SGCZ: variants seen among roughly 807,000 people sequenced by gnomAD.
SGCZ encodes the protein sarcoglycan zeta, also known as zeta-sarcoglycan.
Under a neutral mutation model 41.3 loss-of-function variants are expected in SGCZ, and 40 were observed. That is an observed-to-expected ratio of 0.97 (90% CI 0.75 to 1.26). The LOEUF (loss-of-function observed/expected upper bound fraction) is 1.26, where lower values mean the gene tolerates loss of function less well. SGCZ is among the 50% of genes most tolerant of loss of function. The probability of loss-of-function intolerance (pLI) is 0.00; values close to 1 mark genes in which losing one functional copy is unlikely to be tolerated. For synonymous variants in SGCZ, 206 were observed against 137.5 expected, an observed-to-expected ratio of 1.50 and a Z score of -3.49; for missense variants, 552 against 369.8, an observed-to-expected ratio of 1.49 and a Z score of -4.04.
At chr8:14,727,009 G>A (rs1810077200) in intron 1 of SGCZ, among the ~76,000 whole-genome samples, 1 of 152,014 alleles carries the variant, frequency 6.6e-6, no homozygotes, top group African/African-American at 2.4e-5. Context: ...ACACCACTGA[G>A]ATGTTAAATA....
chr8:14,551,571 T>TATA (rs1563404831), intron 2 of SGCZ, among the ~76,000 whole-genome samples: 205 of 15,956 alleles, frequency 0.013, 5 homozygotes, highest in South Asian at 0.032. Flanking sequence ...ATATATATAA[T>TATA]ATATATATAA....
chr8:14,517,072 G>A (rs1412729123), intron 2 of SGCZ, among the ~76,000 whole-genome samples: 1 of 151,996 alleles, frequency 6.6e-6, no homozygotes, highest in Non-Finnish European at 1.5e-5. Flanking sequence ...ATAAGTCTTC[G>A]TAATGCGTGA....
At chr8:15,232,542 A>T (rs528946825) in intron 1 of SGCZ, among the ~76,000 whole-genome samples, 5 of 151,772 alleles carry the variant, frequency 3.3e-5, no homozygotes, top group African/African-American at 4.8e-5. Context: ...TCTTAATGGC[A>T]TAAGTGATGT....
At chr8:14,351,389 C>T (rs1803086484) in intron 2 of SGCZ, among the ~76,000 whole-genome samples, 1 of 152,028 alleles carries the variant, frequency 6.6e-6, no homozygotes, top group African/African-American at 2.4e-5. Context: ...GTTTGGCTAT[C>T]AACTTCAGCC....
chr8:14,129,801 A>G (rs144639766), intron 5 of SGCZ, among the ~76,000 whole-genome samples: 135 of 152,318 alleles, frequency 8.9e-4, no homozygotes, highest in Non-Finnish European at 1.6e-3. Flanking sequence ...CAGCCAAACC[A>G]CTGAAAATGA....
At chr8:14,387,475 A>G (rs917449913) in intron 2 of SGCZ, among the ~76,000 whole-genome samples, 4 of 152,346 alleles carry the variant, frequency 2.6e-5, no homozygotes, top group Non-Finnish European at 4.4e-5. Context: ...ATCAGTTTAA[A>G]GTGTTCACAT....
intron 1 of SGCZ, among the ~76,000 whole-genome samples, chr8:14,938,085 T>TA (rs1331164878): frequency 2.0e-5 from 3 of 152,162 alleles, no homozygotes; most frequent in Non-Finnish European, 4.4e-5. Context: ...CATATATACA[T>TA]AATGATGCAT....
At chr8:14,211,786 C>A (rs187549040) in intron 4 of SGCZ, among the ~76,000 whole-genome samples, 324 of 152,186 alleles carry the variant, frequency 2.1e-3, no homozygotes, top group African/African-American at 7.7e-3. Flanking sequence ...CCCACCAGGC[C>A]CCTTCTCCAA....
chr8:14,892,536 T>C (rs1333997855), intron 1 of SGCZ, among the ~76,000 whole-genome samples: 1 of 152,130 alleles, frequency 6.6e-6, no homozygotes, highest in Non-Finnish European at 1.5e-5. Flanking sequence ...AACTGTTCCT[T>C]TTTTTGGGTA....
chr8:14,989,993 A>G (rs895288085), intron 1 of SGCZ, among the ~76,000 whole-genome samples: 1 of 152,080 alleles, frequency 6.6e-6, no homozygotes, highest in African/African-American at 2.4e-5. Context: ...CTGAGGCACT[A>G]TTAATAAAAT....
intron 1 of SGCZ, among the ~76,000 whole-genome samples, chr8:14,839,042 T>C (rs901242117): frequency 6.6e-6 from 1 of 152,090 alleles, no homozygotes; most frequent in Non-Finnish European, 1.5e-5. Context: ...GACTTAGTTT[T>C]AAAAGAATAA....
At chr8:14,644,576 G>A (rs949148531) in intron 1 of SGCZ, among the ~76,000 whole-genome samples, 1 of 151,698 alleles carries the variant, frequency 6.6e-6, no homozygotes, top group East Asian at 1.9e-4. Context: ...TGGAGATCCT[G>A]ATTCGAAAAT....
chr8:14,474,080 T>A (rs1013814730), intron 2 of SGCZ, among the ~76,000 whole-genome samples: 6 of 152,166 alleles, frequency 3.9e-5, no homozygotes, highest in African/African-American at 1.4e-4. Flanking sequence ...AGAAGTCTCT[T>A]GTCAACAGAA....
intron 4 of SGCZ, among the ~76,000 whole-genome samples, chr8:14,211,315 G>T (rs1314788484): frequency 6.6e-6 from 1 of 152,112 alleles, no homozygotes; most frequent in African/African-American, 2.4e-5. Context: ...GAACTCTACA[G>T]CCCATGAAGC....
At chr8:14,976,001 CAT>C (rs145427292) in intron 1 of SGCZ, among the ~76,000 whole-genome samples, 19,880 of 140,014 alleles carry the variant, frequency 0.14, 1,736 homozygotes, top group Admixed American at 0.24. Flanking sequence ...TATATATATA[CAT>C]ATATATATAT....
At chr8:14,261,969 T>C (rs999800572) in intron 3 of SGCZ, among the ~76,000 whole-genome samples, 17 of 152,162 alleles carry the variant, frequency 1.1e-4, no homozygotes, top group African/African-American at 3.9e-4. Flanking sequence ...AGTTGAAAGA[T>C]AATTGATTAA....
chr8:15,190,529 T>G (rs192100137), intron 1 of SGCZ, among the ~76,000 whole-genome samples: 1 of 152,184 alleles, frequency 6.6e-6, no homozygotes, highest in Non-Finnish European at 1.5e-5. Context: ...TAAAGCTTTC[T>G]TGAAAGAGTG....
chr8:14,669,788 G>A (rs1224245746), intron 1 of SGCZ, among the ~76,000 whole-genome samples: 7 of 151,296 alleles, frequency 4.6e-5, no homozygotes, highest in Non-Finnish European at 8.8e-5. Context: ...CTTGTCTATT[G>A]TGAACTATGT....
intron 1 of SGCZ, among the ~76,000 whole-genome samples, chr8:15,022,866 T>A (rs1050589538): frequency 3.3e-5 from 5 of 152,224 alleles, no homozygotes; most frequent in African/African-American, 9.6e-5. Flanking sequence ...ATTTCATAGA[T>A]AAAGACGTTA....
Sources: allele counts gnomAD v4.1 joint callset (sites outside exome capture counted in the v4.1 genomes callset), GRCh38; gene constraint gnomAD v4.1.1; transcripts MANE v1.5; gene names NCBI Gene and HGNC (gene_info 2026-07-23, HGNC 2026-07-21).